Variants in IGFN1 observed in about 807,000 individuals in gnomAD.
The protein encoded by IGFN1 is immunoglobulin like and fibronectin type III domain containing 1, also known as immunoglobulin-like and fibronectin type III domain-containing protein 1.
A neutral mutation model predicts 289.5 loss-of-function variants in IGFN1; 253 were observed. That is an observed-to-expected ratio of 0.87 (90% CI 0.79 to 0.97). The LOEUF (loss-of-function observed/expected upper bound fraction) is 0.97. Among genes scored for constraint, IGFN1 ranks in the 50% least tolerant of loss-of-function variants. The pLI is 0.00. For synonymous variants in IGFN1, 1,706 were observed against 1,788.5 expected (o/e 0.95, Z 1.16); for missense variants, 4,470 against 4,686.1 (o/e 0.95, Z 1.35).
At chr1:201,203,682 G>T (rs771095542) in intron 9 of IGFN1, 56 bp from the exon 10 acceptor site, 3 of 1,498,854 alleles carry the variant, frequency 2.0e-6, no homozygotes, top group Non-Finnish European at 1.8e-6. Flanking sequence ...TGGGACTGGG[G>T]CAGGAAGCAC....
Position 201,194,209 on chromosome 1 carries a change from G to C in IGFN1, c.63G>C (p.Glu21Asp), listed in dbSNP as rs770934558. The change falls in exon 3 of 24, where the codon GAG (glutamate) becomes GAC (aspartate). Residue 21 changes from glutamate (E) to aspartate (D), a missense_variant. Around this residue, in one of 8 missense-constraint regions of IGFN1, gnomAD observed 2,011 missense variants for 1,953.4 expected, o/e 1.03. Coordinates refer to ENST00000335211, the MANE Select transcript of IGFN1 (RefSeq NM_001164586.2). Reference sequence around the variant, plus strand: ...TGAGCATCTGGCAGCTGGTGGAGGAGATCCCTGAAGGCTGCAGCACGCCGG... The same window carrying C: ...TGAGCATCTGGCAGCTGGTGGAGGACATCCCTGAAGGCTGCAGCACGCCGG... ...PGVSIWQLVE[E>D]IPEGCSTPDF... 1.4e-5 allele frequency: 21 copies of C among 1,551,536 alleles called. No homozygotes were observed. Among genetic ancestry groups the C allele is most frequent in the Middle Eastern group, 1.7e-4 (1 of 6,014 alleles).
In IGFN1 at chr1:201,211,766, G is replaced by A; in HGVS notation, c.6873G>A (p.Gly2291=). ...AGGCAGGTTATAAGAATGTTTTAGG[G>A]GGTTCTGGGAGGAATCCATTAGGGA... is the stretch of plus-strand genomic sequence containing the variant. The part of the protein sequence containing the change: ...GDEAGYKNVL[G]GSGRNPLGSE... The change falls in exon 12 of 24, where the codon GGG becomes GGA. Residue 2291 remains glycine, a synonymous_variant. Coordinates refer to ENST00000335211, the MANE Select transcript of IGFN1 (RefSeq NM_001164586.2). 2 of 1,536,860 alleles carry A rather than the reference G, an allele frequency of 1.3e-6. No individual in the cohort carries two copies. The highest frequency in any genetic ancestry group is 1.2e-5 in the South Asian group (1 of 84,056).
Position 201,217,403 on chromosome 1 carries a change from G to T in IGFN1, c.9712G>T (p.Glu3238Ter). Residue 3238 changes from glutamate to a stop codon, truncating the protein, a stop_gained, in exon 17 of 24, where the codon GAG (glutamate) becomes TAG (stop). Coordinates refer to ENST00000335211, the MANE Select transcript of IGFN1 (RefSeq NM_001164586.2). LOFTEE classifies it high-confidence loss of function. ...CGCCCACATCCTGGGCTACCTGATC[G>T]AGAGGCGTAAGAAGGGGAGCAACAC... ...GSAHILGYLI[E>*]RRKKGSNTWT... 1 of 1,614,180 alleles carries T rather than the reference G, an allele frequency of 6.2e-7. No individual in the cohort carries two copies. Among genetic ancestry groups the T allele is most frequent in the Non-Finnish European group, 8.5e-7 (1 of 1,180,026 alleles).
chr1:201,207,925 A>G lies in IGFN1; in HGVS notation c.3032A>G (p.His1011Arg), dbSNP rs1667509421. 1 of 1,536,710 alleles carries G rather than the reference A, an allele frequency of 6.5e-7. No homozygotes were observed. Among genetic ancestry groups the G allele is most frequent in the South Asian group, 1.2e-5 (1 of 84,048 alleles). ...VESEEGGGYR[H>R]GSGAPGGVWS... ...TCTGAGGAAGGGGGTGGGTACAGGC[A>G]TGGCTCCGGAGCGCCTGGGGGAGTG... is the stretch of plus-strand genomic sequence containing the variant. Residue 1011 changes from histidine (H) to arginine (R), a missense_variant, in exon 12 of 24, where the codon CAT becomes CGT. By Grantham distance (29) the His-to-Arg change is conservative. This residue lies in a region of IGFN1 where 2,011 missense variants were observed against 1,953.4 expected (regional missense o/e 1.03). Transcript: ENST00000335211.
At chr1:201,214,958 G>A in intron 13 of IGFN1, 55 bp from the exon 14 acceptor site, 2 of 1,582,470 alleles carry the variant, frequency 1.3e-6, no homozygotes, top group Non-Finnish European at 8.6e-7. Context: ...TAGCTGGCCT[G>A]AAGGAACTGG....
rs377063294 is a variant in IGFN1 at position 201,222,877 on chromosome 1, G to A, written c.10290+50G>A. 42 of 1,335,706 alleles carry A rather than the reference G, an allele frequency of 3.1e-5. No individual in the cohort carries two copies. The African/African-American group carries it at 4.8e-4, about 15-fold the overall frequency. The allele number at this position is 1,335,706 out of a possible 1,614,324, so 82.7% of individuals were successfully genotyped here. On this transcript the variant is annotated intron_variant, in intron 20 of 23. Transcript: ENST00000335211. ...GGAGGGAAGCCCAGAGAGGCCAAGG[G>A]GGCCAGACTCAGCCCTGTGGCTCTC...
At chr1:201,203,597 A>G (rs981008860) in intron 9 of IGFN1, 141 bp from the exon 10 acceptor site, 7 of 717,998 alleles carry the variant, frequency 9.7e-6, no homozygotes, top group Non-Finnish European at 1.6e-5. Context: ...ACCCCATCCC[A>G]GCTCCTCTAT....
intron 3 of IGFN1, among the ~76,000 whole-genome samples, chr1:201,195,432 G>A (rs920153000): frequency 2.0e-5 from 3 of 152,134 alleles, no homozygotes; most frequent in Admixed American, 6.5e-5. Context: ...GATTACATGC[G>A]TGAGCCCCTG....
At position 201,213,493 on chromosome 1, in the gene IGFN1, G is replaced by A. The variant is rs1389729334; in HGVS notation, c.8600G>A (p.Gly2867Asp). ...LNEDQSREPP[G>D]HLGSRRSGKD... ...GAAGATCAGAGCCGGGAGCCCCCTG[G>A]TCACCTTGGTAGCAGGAGAAGTGGC... is the stretch of plus-strand genomic sequence containing the variant. The change falls in exon 12 of 24, where the codon GGT becomes GAT. Residue 2867 changes from glycine (G) to aspartate (D), a missense_variant. Physicochemically the swap from Gly to Asp is moderately conservative, Grantham distance 94. This residue lies in a region of IGFN1 where 2,218 missense variants were observed against 2,114.1 expected (regional missense o/e 1.05). Transcript: ENST00000335211. 4.3e-6 allele frequency: 7 copies of A among 1,614,070 alleles called. No homozygotes were observed. The South Asian group carries it at 7.7e-5, about 18-fold the overall frequency.
At chr1:201,201,034 T>C (rs1260867568) in intron 8 of IGFN1, among the ~76,000 whole-genome samples, 1 of 152,122 alleles carries the variant, frequency 6.6e-6, no homozygotes, top group East Asian at 1.9e-4. Flanking sequence ...GGTTTCACCG[T>C]GTTAGCCAGG....
intron 3 of IGFN1, among the ~76,000 whole-genome samples, chr1:201,195,460 C>CA (rs1268018726): frequency 6.6e-6 from 1 of 152,162 alleles, no homozygotes; most frequent in Non-Finnish European, 1.5e-5. Flanking sequence ...CCGGAACTCA[C>CA]AAAATCTCAT....
At chr1:201,219,190 C>G (rs1385247644) in intron 18 of IGFN1, among the ~76,000 whole-genome samples, 1 of 152,242 alleles carries the variant, frequency 6.6e-6, no homozygotes, top group East Asian at 1.9e-4. Flanking sequence ...TGTTGCCCAT[C>G]AGGCAGGGCG....
intron 23 of IGFN1, among the ~76,000 whole-genome samples, chr1:201,227,677 G>A (rs1463401749): frequency 2.0e-4 from 30 of 152,052 alleles, no homozygotes; most frequent in East Asian, 9.7e-4. Context: ...TGATCCACCC[G>A]CCTCGGCCTC....
At chr1:201,216,839 G>A (rs1157432687) in intron 16 of IGFN1, 86 bp downstream of exon 16, 14 of 1,152,536 alleles carry the variant, frequency 1.2e-5, no homozygotes, top group Non-Finnish European at 1.7e-5. Flanking sequence ...CAGAGGCTGA[G>A]TGACACCAGC....
rs761253869 is a variant in IGFN1, at chr1:201,224,875, G to A, written c.10486+1G>A. The A allele has an allele frequency of 6.2e-7, 1 of 1,611,424 alleles. No homozygotes were observed. Among genetic ancestry groups the A allele is most frequent in the East Asian group, 2.2e-5 (1 of 44,852 alleles). On this transcript the variant is annotated splice_donor_variant, in intron 21 of 23. Transcript: ENST00000335211. LOFTEE classifies it high-confidence loss of function. Reference sequence around the variant, plus strand: ...CACAGCTTCCGTATCAGGGTGGCAGGTGAGGCAGGCCTTGCTCTGGGCTCT... The same window carrying A: ...CACAGCTTCCGTATCAGGGTGGCAGATGAGGCAGGCCTTGCTCTGGGCTCT...
intron 13 of IGFN1, 139 bp from the exon 14 acceptor site, chr1:201,214,874 G>C: frequency 2.5e-6 from 2 of 799,846 alleles, no homozygotes; most frequent in Non-Finnish European, 4.0e-6. Flanking sequence ...TAAGCACAGA[G>C]AGCATTGGCA....
At chr1:201,206,030 CTT>C in intron 11 of IGFN1, 51 bp from the exon 12 acceptor site, 2 of 1,269,400 alleles carry the variant, frequency 1.6e-6, no homozygotes, top group Middle Eastern at 1.9e-4. Context: ...GGTATTTTCT[CTT>C]GTCTCTCCAT....
Position 201,211,842 on chromosome 1 carries a change from T to A in IGFN1, c.6949T>A (p.Trp2317Arg). The A allele has an allele frequency of 6.5e-7, 1 of 1,535,782 alleles. No individual in the cohort carries two copies. The highest frequency in any genetic ancestry group is 2.4e-5 in the East Asian group (1 of 40,848). ...GGAGGATTCTGGGTACATTTTGTCATGGAATGAGGCAGGTTCTAGGCAAGG... is the reference window on the plus strand; with the variant it reads ...GGAGGATTCTGGGTACATTTTGTCAAGGAATGAGGCAGGTTCTAGGCAAGG... ...SLEDSGYILS[W>R]NEAGSRQGFG... The change falls in exon 12 of 24, where the codon TGG becomes AGG. Residue 2317 changes from tryptophan to arginine, a missense_variant. Trp to Arg is a moderately radical substitution (Grantham distance 101). This residue lies in a region of IGFN1 where 2,218 missense variants were observed against 2,114.1 expected (regional missense o/e 1.05). Transcript: ENST00000335211.
chr1:201,225,428 C>G (rs1815137), intron 21 of IGFN1, among the ~76,000 whole-genome samples: 2 of 151,788 alleles, frequency 1.3e-5, no homozygotes. Context: ...CCCATCTCTG[C>G]GAAAAATACA....
Sources: allele counts gnomAD v4.1 joint callset (sites outside exome capture counted in the v4.1 genomes callset), GRCh38; gene constraint gnomAD v4.1.1; regional missense constraint gnomAD v4.1.1; transcripts MANE v1.5; gene names NCBI Gene and HGNC (gene_info 2026-07-23, HGNC 2026-07-21).